FANCC: variants seen among roughly 807,000 people sequenced by gnomAD.
FANCC encodes the protein Fanconi anemia group C protein.
FANCC carries 55 observed loss-of-function variants against 71.3 expected under a neutral mutation model. The observed-to-expected ratio is 0.77, with a 90% CI of 0.62 to 0.97. The LOEUF (loss-of-function observed/expected upper bound fraction) is 0.97. Ranked by LOEUF, FANCC falls within the 50% of genes least tolerant of loss-of-function variation. The pLI, the probability that FANCC is intolerant of heterozygous loss-of-function variation, is 0.00. For missense variants in FANCC, 678 were observed against 670.9 expected (o/e 1.01, Z -0.12); for synonymous variants, 275 against 244.9 (o/e 1.12, Z -1.15).
intron 3 of FANCC, among the ~76,000 whole-genome samples, chr9:95,244,904 G>C (rs1184338286): frequency 6.6e-6 from 1 of 151,910 alleles, no homozygotes; most frequent in East Asian, 1.9e-4. Flanking sequence ...TCTAGGGAAA[G>C]CGACTTATTG....
intron 1 of FANCC, among the ~76,000 whole-genome samples, chr9:95,271,842 C>T (rs1028857657): frequency 7.3e-5 from 11 of 150,790 alleles, no homozygotes; most frequent in African/African-American, 2.0e-4. Flanking sequence ...GCTGAATGCA[C>T]GCCTTAAAAG....
At chr9:95,268,966 C>T (rs1347365861) in intron 1 of FANCC, among the ~76,000 whole-genome samples, 1 of 152,140 alleles carries the variant, frequency 6.6e-6, no homozygotes, top group East Asian at 1.9e-4. Flanking sequence ...TACTGAGTTC[C>T]AAGGGACAAT....
chr9:95,187,426 T>C (rs381363), intron 4 of FANCC, among the ~76,000 whole-genome samples: 23 of 152,322 alleles, frequency 1.5e-4, no homozygotes, highest in Admixed American at 4.6e-4. Context: ...ACGATATCAT[T>C]TCTAGGTCTG....
intron 12 of FANCC, 85 bp downstream of exon 12, chr9:95,114,544 C>T (rs2134628438): frequency 1.6e-6 from 2 of 1,214,264 alleles, no homozygotes; most frequent in Non-Finnish European, 1.2e-6. Flanking sequence ...TAATGCCTTC[C>T]TCTGTCAGCC....
At chr9:95,154,599 T>C (rs1309465823) in intron 6 of FANCC, among the ~76,000 whole-genome samples, 2 of 152,160 alleles carry the variant, frequency 1.3e-5, no homozygotes, top group Non-Finnish European at 1.5e-5. Context: ...CATAAAGATA[T>C]CCACAATACA....
At chr9:95,232,829 C>T (rs564796223) in intron 4 of FANCC, among the ~76,000 whole-genome samples, 16 of 152,222 alleles carry the variant, frequency 1.1e-4, no homozygotes, top group Non-Finnish European at 1.9e-4. Context: ...TTTCCAGAGA[C>T]GCTCTGATCT....
chr9:95,109,345 G>T (rs1384299386), intron 13 of FANCC, among the ~76,000 whole-genome samples: 1 of 152,112 alleles, frequency 6.6e-6, no homozygotes, highest in Non-Finnish European at 1.5e-5. Context: ...ACAATGCTGT[G>T]CTGAATATTC....
At chr9:95,106,669 G>A (rs1302376536) in intron 14 of FANCC, among the ~76,000 whole-genome samples, 2 of 152,196 alleles carry the variant, frequency 1.3e-5, no homozygotes, top group Non-Finnish European at 2.9e-5. Flanking sequence ...TCTTTGCACT[G>A]TTGCAGTGAA....
chr9:95,199,764 C>T (rs762128122), intron 4 of FANCC, among the ~76,000 whole-genome samples: 32 of 152,168 alleles, frequency 2.1e-4, no homozygotes, highest in Non-Finnish European at 4.4e-4. Context: ...AAGGTATATA[C>T]ATTCGCCTTG....
chr9:95,191,903 C>T (rs1827139096), intron 4 of FANCC, among the ~76,000 whole-genome samples: 1 of 152,146 alleles, frequency 6.6e-6, no homozygotes, highest in African/African-American at 2.4e-5. Flanking sequence ...CATGCTGTCA[C>T]AGCCTCCAGT....
chr9:95,121,328 G>A (rs542075754), intron 10 of FANCC, among the ~76,000 whole-genome samples: 5 of 152,224 alleles, frequency 3.3e-5, no homozygotes, highest in African/African-American at 1.2e-4. Context: ...AACAGAACAG[G>A]GACAAGAGGA....
At chr9:95,180,287 C>T (rs1826259573) in intron 4 of FANCC, among the ~76,000 whole-genome samples, 2 of 148,708 alleles carry the variant, frequency 1.3e-5, no homozygotes, top group South Asian at 4.2e-4. Flanking sequence ...ATGTCTTCTT[C>T]TGGAATGAAT....
At chr9:95,108,258 C>T (rs569019384) in intron 13 of FANCC, among the ~76,000 whole-genome samples, 4 of 152,320 alleles carry the variant, frequency 2.6e-5, no homozygotes, top group African/African-American at 9.6e-5. Context: ...ACTGCACCAT[C>T]GGGCTCTTCC....
At chr9:95,315,428 T>G (rs1453898189) in intron 1 of FANCC, among the ~76,000 whole-genome samples, 3 of 152,230 alleles carry the variant, frequency 2.0e-5, no homozygotes, top group Non-Finnish European at 4.4e-5. Context: ...CTCTCTCTGT[T>G]GCCCACGCTG....
At chr9:95,154,121 CTG>C (rs1430159541) in intron 6 of FANCC, among the ~76,000 whole-genome samples, 3 of 151,852 alleles carry the variant, frequency 2.0e-5, no homozygotes, top group African/African-American at 7.3e-5. Flanking sequence ...TGGTGGGCAC[CTG>C]TAGTCCCAGC....
At chr9:95,155,551 A>G (rs1354118108) in intron 6 of FANCC, among the ~76,000 whole-genome samples, 3 of 151,552 alleles carry the variant, frequency 2.0e-5, no homozygotes, top group African/African-American at 7.3e-5. Context: ...CACTCTTCCC[A>G]TTATTTGATT....
At chr9:95,107,354 A>AC in intron 13 of FANCC, 85 bp from the exon 14 acceptor site, 3 of 1,443,304 alleles carry the variant, frequency 2.1e-6, no homozygotes, top group South Asian at 1.2e-5. Flanking sequence ...CTTTGAAACA[A>AC]CCCCCAGAAA....
intron 6 of FANCC, among the ~76,000 whole-genome samples, chr9:95,165,416 A>G (rs1202057717): frequency 1.3e-5 from 2 of 151,432 alleles, no homozygotes; most frequent in African/African-American, 4.9e-5. Flanking sequence ...TTTTTAATGT[A>G]GGCATTTACC....
chr9:95,246,900 C>T (rs1228857870), intron 3 of FANCC, among the ~76,000 whole-genome samples: 1 of 152,138 alleles, frequency 6.6e-6, no homozygotes, highest in Non-Finnish European at 1.5e-5. Flanking sequence ...AGTGCCCCCA[C>T]ATTCATCTCC....
Sources: allele counts gnomAD v4.1 joint callset (sites outside exome capture counted in the v4.1 genomes callset), GRCh38; gene constraint gnomAD v4.1.1; transcripts MANE v1.5; gene names NCBI Gene and HGNC (gene_info 2026-07-23, HGNC 2026-07-21).